SUCO: variants seen among roughly 807,000 people sequenced by gnomAD.
The protein encoded by SUCO is SUN domain-containing ossification factor.
SUCO carries 57 observed loss-of-function variants against 148.1 expected under a neutral mutation model. That is an observed-to-expected ratio of 0.38 (90% CI 0.31 to 0.48). The LOEUF (loss-of-function observed/expected upper bound fraction) is 0.48, where lower values mean the gene tolerates loss of function less well. Ranked by LOEUF, SUCO falls within the 20% of genes least tolerant of loss-of-function variation. SUCO has a pLI of 0.96. For missense variants in SUCO, 1,331 were observed against 1,468.2 expected, an observed-to-expected ratio of 0.91 and a Z score of 1.53; for synonymous variants, 470 against 502.7, an observed-to-expected ratio of 0.93 and a Z score of 0.87.
intron 15 of SUCO, among the ~76,000 whole-genome samples, chr1:172,580,450 TAA>T (rs1655801712): frequency 6.6e-6 from 1 of 152,216 alleles, no homozygotes. Flanking sequence ...GATATAAAAA[TAA>T]GTCTTATTCA....
chr1:172,538,438 A>G (rs1652188578), intron 1 of SUCO, among the ~76,000 whole-genome samples: 1 of 152,192 alleles, frequency 6.6e-6, no homozygotes. Flanking sequence ...AACTAGAACA[A>G]TATATAAGCT....
rs563187671 is a variant in SUCO, at chr1:172,542,910, G to T, written c.63-8602G>T. 3 of 985,342 alleles carry T rather than the reference G, an allele frequency of 3.0e-6. No individual in the cohort carries two copies. The South Asian group carries it at 1.4e-4, about 46-fold the overall frequency. 61.0% of individuals were successfully genotyped at this position (985,342 alleles called of 1,614,324 possible). ...GATAAGTTTGGAGAGCTTGAAAACTGAGAAACTTTTCAAAAGAGGGAAGTG... is the reference window on the plus strand; with the variant it reads ...GATAAGTTTGGAGAGCTTGAAAACTTAGAAACTTTTCAAAAGAGGGAAGTG... On this transcript the variant is annotated intron_variant, in intron 1 of 23. Coordinates refer to ENST00000263688, the MANE Select transcript of SUCO (RefSeq NM_014283.5).
chr1:172,551,596 A>G lies in SUCO; in HGVS notation c.147A>G (p.Leu49=), dbSNP rs1403196482. Residue 49 remains leucine (L), a synonymous_variant, in exon 2 of 24, where the codon CTA becomes CTG. Transcript: ENST00000263688. ...ACTCTCAAGATGACAACTGCGCACT[A>G]GAAAATGAAGATGTACAATTCCAGA... The part of the protein sequence containing the change: ...SYYSQDDNCA[L]ENEDVQFQKK... The G allele has an allele frequency of 1.2e-6, 2 of 1,607,732 alleles. No individual in the cohort carries two copies. Among genetic ancestry groups the G allele is most frequent in the Admixed American group, 1.7e-5 (1 of 59,254 alleles).
At chr1:172,573,848 T>A (rs749527566) in intron 9 of SUCO, 43 bp from the exon 10 acceptor site, 15 of 1,092,680 alleles carry the variant, frequency 1.4e-5, no homozygotes, top group Non-Finnish European at 1.9e-5. Context: ...TATGAACTGT[T>A]ATTTTGATTG....
rs200373745 is a variant in SUCO, at chr1:172,589,482, A to G, written c.2381A>G (p.Tyr794Cys). 1.9e-6 allele frequency: 3 copies of G among 1,611,112 alleles called. No homozygotes were observed. Among genetic ancestry groups the G allele is most frequent in the Middle Eastern group, 1.7e-4 (1 of 6,038 alleles). Residue 794 changes from tyrosine to cysteine, a missense_variant, in exon 18 of 24, where the codon TAT (tyrosine) becomes TGT (cysteine). Physicochemically the swap from Tyr to Cys is radical, Grantham distance 194. Transcript: ENST00000263688. ...FSSIEKPSIT[Y>C]ETNKVNELMD... ...TCTATAGAGAAACCATCTATTACCT[A>G]TGAAACAAATAAAGTTAATGAGTTA... is the stretch of plus-strand genomic sequence containing the variant.
rs548550904 is a variant in SUCO at position 172,537,979 on chromosome 1, A to G, written c.62+4482A>G. Among the ~76,000 whole-genome samples, 124 of 152,290 alleles carry G rather than the reference A, an allele frequency of 8.1e-4. 1 individual carries two copies. Among genetic ancestry groups the G allele is most frequent in the African/African-American group, 2.9e-3 (119 of 41,554 alleles). On this transcript the variant is annotated intron_variant, in intron 1 of 23. Coordinates refer to ENST00000263688, the MANE Select transcript of SUCO (RefSeq NM_014283.5). ...TTGTAGGCAGAGAGAACACTTACCC[A>G]GTTATCTAGAGCGTGAGTGTATGTG...
intron 15 of SUCO, among the ~76,000 whole-genome samples, 195 bp downstream of exon 15, chr1:172,579,462 T>A (rs1260390892): frequency 6.6e-6 from 1 of 152,030 alleles, no homozygotes; most frequent in Non-Finnish European, 1.5e-5. Flanking sequence ...GAGAGACAAA[T>A]GCAATCGTAA....
chr1:172,556,082 T>A (rs1653739258), intron 4 of SUCO, 59 bp downstream of exon 4: 1 of 1,421,878 alleles, frequency 7.0e-7, no homozygotes, highest in Non-Finnish European at 9.7e-7. Flanking sequence ...GATAGAAAAA[T>A]TTCCTTAAAA....
Position 172,574,014 on chromosome 1 carries a change from G to C in SUCO, c.1157+16G>C. On this transcript the variant is annotated intron_variant, in intron 10 of 23. Transcript: ENST00000263688. ...TCAGTGACAGGTAAATTCTAAAGCT[G>C]TTTCTATAGGGTCTATGTTGGATCT... 1 of 1,406,150 alleles carries C rather than the reference G, an allele frequency of 7.1e-7. No homozygotes were observed. The highest frequency in any genetic ancestry group is 1.0e-6 in the Non-Finnish European group (1 of 998,980). 87.1% of individuals were successfully genotyped at this position (1,406,150 alleles called of 1,614,324 possible). A position where few individuals can be genotyped will look rare whatever the true frequency, so the allele number is the denominator to read the frequency against.
chr1:172,569,714 T>C (rs1654805995), intron 7 of SUCO, among the ~76,000 whole-genome samples: 2 of 152,090 alleles, frequency 1.3e-5, no homozygotes, highest in South Asian at 4.2e-4. Context: ...AACAATAAAA[T>C]AATGTAAGAA....
At position 172,577,795 on chromosome 1, in the gene SUCO, ACT is replaced by A; in HGVS notation, c.1317_1318del (p.Phe440LeufsTer12). 6.2e-7 allele frequency: 1 copy of A among 1,611,744 alleles called. No homozygotes were observed. Among genetic ancestry groups the A allele is most frequent in the Non-Finnish European group, 8.5e-7 (1 of 1,178,512 alleles). On this transcript the variant is annotated frameshift_variant, in exon 13 of 24. Coordinates refer to ENST00000263688, the MANE Select transcript of SUCO (RefSeq NM_014283.5). LOFTEE classifies it high-confidence loss of function. ...TTGCTATCACATTTTGGATCAGAGC[ACT>A]TTTGTCCATTAAGCCTTATAAGGTA...
At chr1:172,545,253 A>T (rs564317190) in intron 1 of SUCO, among the ~76,000 whole-genome samples, 77 of 152,352 alleles carry the variant, frequency 5.1e-4, no homozygotes, top group Non-Finnish European at 9.7e-4. Flanking sequence ...AGCTTTGTTT[A>T]TCCTCAACAT....
intron 22 of SUCO, chr1:172,608,064 A>T (rs1657972954): frequency 2.0e-6 from 2 of 984,540 alleles, no homozygotes; most frequent in Admixed American, 6.2e-5. Flanking sequence ...TGGGGTTGGG[A>T]TATATCTTGA....
chr1:172,572,696 T>TTAAAAAAA (rs766025462), intron 9 of SUCO, among the ~76,000 whole-genome samples: 1 of 49,598 alleles, frequency 2.0e-5, no homozygotes, highest in South Asian at 1.2e-3. Flanking sequence ...GAATGATCAA[T>TTAAAAAAA]AAAAAAAAAA....
intron 11 of SUCO, among the ~76,000 whole-genome samples, chr1:172,577,335 A>G (rs907863320): frequency 9.9e-5 from 15 of 151,722 alleles, no homozygotes; most frequent in African/African-American, 2.7e-4. Context: ...AATCATTTAG[A>G]TTATACTCTC....
At chr1:172,587,348 C>T (rs892792500) in intron 17 of SUCO, among the ~76,000 whole-genome samples, 1 of 151,788 alleles carries the variant, frequency 6.6e-6, no homozygotes, top group Non-Finnish European at 1.5e-5. Context: ...TTTTCTTTTC[C>T]TAGGTTTTAG....
intron 4 of SUCO, chr1:172,556,681 T>A: frequency 1.0e-6 from 1 of 985,116 alleles, no homozygotes; most frequent in African/African-American, 1.7e-5. Flanking sequence ...GATATTATGG[T>A]TACCATTTAG....
intron 7 of SUCO, 115 bp from the exon 8 acceptor site, chr1:172,569,932 C>G (rs893329869): frequency 2.0e-6 from 2 of 1,003,302 alleles, no homozygotes; most frequent in African/African-American, 3.4e-5. Flanking sequence ...AGTGTTAAAA[C>G]CTATTCTTTT....
In SUCO at chr1:172,591,415, G is replaced by A. The variant is rs111509252; in HGVS notation, c.2913+344G>A. Among the ~76,000 whole-genome samples, 206 of 145,912 alleles carry A rather than the reference G, an allele frequency of 1.4e-3. 1 individual carries two copies. Among genetic ancestry groups the A allele is most frequent in the African/African-American group, 5.0e-3 (195 of 39,376 alleles). On this transcript the variant is annotated intron_variant, in intron 19 of 23. Coordinates refer to ENST00000263688, the MANE Select transcript of SUCO (RefSeq NM_014283.5). ...ATTTATATTAGGTATATCTCCTAAT[G>A]CTATCCCTCCCCCCTCCCCCCACCC...
Sources: allele counts gnomAD v4.1 joint callset (sites outside exome capture counted in the v4.1 genomes callset), GRCh38; gene constraint gnomAD v4.1.1; transcripts MANE v1.5; gene names NCBI Gene and HGNC (gene_info 2026-07-23, HGNC 2026-07-21).